The following RBFOX1 variants were observed in gnomAD, a reference collection of about 807,000 sequenced individuals.
RBFOX1 encodes RNA binding fox-1 homolog 1.
In RBFOX1, 8 loss-of-function variants were observed where a neutral mutation model predicts 57.7. That is an observed-to-expected ratio of 0.14 (90% confidence interval 0.08 to 0.25). RBFOX1 has a LOEUF of 0.25. Among genes scored for constraint, RBFOX1 ranks in the 10% least tolerant of loss-of-function variants. The pLI, the probability that RBFOX1 is intolerant of heterozygous loss-of-function variation, is 1.00. For synonymous variants in RBFOX1, 326 were observed against 222.4 expected, an observed-to-expected ratio of 1.47 and a Z score of -4.15; for missense variants, 611 against 548.5, an observed-to-expected ratio of 1.11 and a Z score of -1.14.
chr16:6,986,456 C>T (rs886172710), intron 3 of RBFOX1, among the ~76,000 whole-genome samples: 1 of 152,140 alleles, frequency 6.6e-6, no homozygotes, highest in African/African-American at 2.4e-5. Context: ...GCCTCAGCCT[C>T]CCAAAGTGCT....
chr16:7,293,858 A>T (rs1024494419), intron 4 of RBFOX1, among the ~76,000 whole-genome samples: 8 of 152,144 alleles, frequency 5.3e-5, no homozygotes, highest in African/African-American at 1.9e-4. Flanking sequence ...GGGACTAAGA[A>T]TTCCTGGGGT....
intron 2 of RBFOX1, among the ~76,000 whole-genome samples, chr16:6,479,641 C>T (rs1227436160): frequency 6.6e-6 from 1 of 152,074 alleles, no homozygotes; most frequent in African/African-American, 2.4e-5. Flanking sequence ...TGGGAACTCA[C>T]CCACTATCAT....
chr16:6,387,909 C>T (rs539369050), intron 2 of RBFOX1, among the ~76,000 whole-genome samples: 18 of 151,002 alleles, frequency 1.2e-4, no homozygotes, highest in Admixed American at 5.3e-4. Flanking sequence ...GTACCCCAGT[C>T]ACTATGACTG....
chr16:7,465,381 T>C (rs543097311), intron 4 of RBFOX1, among the ~76,000 whole-genome samples: 3 of 152,324 alleles, frequency 2.0e-5, no homozygotes, highest in South Asian at 4.1e-4. Flanking sequence ...GGCTGCTTCA[T>C]TTGTTCTTGT....
chr16:6,699,287 C>G (rs1024572480), intron 3 of RBFOX1, among the ~76,000 whole-genome samples: 9 of 150,508 alleles, frequency 6.0e-5, no homozygotes, highest in Non-Finnish European at 1.0e-4. Context: ...CATAGTTATC[C>G]TCCCTATGTT....
chr16:7,622,697 G>A (rs1320796642), intron 10 of RBFOX1, among the ~76,000 whole-genome samples: 1 of 152,044 alleles, frequency 6.6e-6, no homozygotes, highest in South Asian at 2.1e-4. Flanking sequence ...ACTATAGACA[G>A]ATGCGCTTCA....
intron 11 of RBFOX1, among the ~76,000 whole-genome samples, chr16:7,653,392 G>C (rs541483424): frequency 6.6e-6 from 1 of 152,126 alleles, no homozygotes; most frequent in Non-Finnish European, 1.5e-5. Context: ...TATGGTCCCA[G>C]CTACTTGGGA....
At chr16:7,676,638 T>G in intron 13 of RBFOX1, 136 bp from the exon 14 acceptor site, 1 of 728,798 alleles carries the variant, frequency 1.4e-6, no homozygotes, top group South Asian at 1.7e-5. Flanking sequence ...ATTTTCGCTT[T>G]GATACTAAGC....
intron 5 of RBFOX1, among the ~76,000 whole-genome samples, chr16:7,542,105 G>C (rs1869474579): frequency 6.6e-6 from 1 of 152,180 alleles, no homozygotes; most frequent in African/African-American, 2.4e-5. Context: ...GTTAGGAATG[G>C]CAGATGAGAT....
At chr16:5,588,716 A>G (rs953755442) in intron 2 of RBFOX1, among the ~76,000 whole-genome samples, 7 of 152,168 alleles carry the variant, frequency 4.6e-5, no homozygotes, top group Admixed American at 2.0e-4. Flanking sequence ...ATATCCAACA[A>G]TGATCACTCT....
At chr16:6,781,266 G>A (rs905889291) in intron 3 of RBFOX1, among the ~76,000 whole-genome samples, 17 of 151,988 alleles carry the variant, frequency 1.1e-4, no homozygotes, top group Non-Finnish European at 1.8e-4. Flanking sequence ...TCCTTTTATC[G>A]CAGGAATGAT....
At chr16:7,154,036 G>C (rs1179492893) in intron 4 of RBFOX1, among the ~76,000 whole-genome samples, 1 of 152,092 alleles carries the variant, frequency 6.6e-6, no homozygotes, top group African/African-American at 2.4e-5. Flanking sequence ...AGTTGTTTTT[G>C]TTACTAGTAT....
At chr16:5,448,089 C>G (rs191233902) in intron 1 of RBFOX1, among the ~76,000 whole-genome samples, 48 of 152,298 alleles carry the variant, frequency 3.2e-4, no homozygotes, top group African/African-American at 1.0e-3. Flanking sequence ...AGACAATTGG[C>G]TGGATATGTC....
At chr16:7,165,933 T>TACACACACACACACACACAC (rs889669390) in intron 4 of RBFOX1, among the ~76,000 whole-genome samples, 1 of 143,156 alleles carries the variant, frequency 7.0e-6, no homozygotes, top group Non-Finnish European at 1.5e-5. Context: ...CGCATGCACA[T>TACACACACACACACACACAC]ACACACACAC....
intron 4 of RBFOX1, among the ~76,000 whole-genome samples, chr16:5,998,537 G>C (rs1350305768): frequency 6.6e-6 from 1 of 152,110 alleles, no homozygotes; most frequent in Admixed American, 6.5e-5. Flanking sequence ...GTTTTTCTTT[G>C]AGTGAAATGT....
At chr16:5,393,605 G>A (rs1367820643) in intron 1 of RBFOX1, among the ~76,000 whole-genome samples, 1 of 152,158 alleles carries the variant, frequency 6.6e-6, no homozygotes, top group Non-Finnish European at 1.5e-5. Context: ...CTGGTGTTGG[G>A]ATGACATTCT....
chr16:6,790,266 C>G (rs1241676737), intron 3 of RBFOX1, among the ~76,000 whole-genome samples: 1 of 151,530 alleles, frequency 6.6e-6, no homozygotes, highest in Admixed American at 6.6e-5. Flanking sequence ...CTTAGTGCAA[C>G]CTCTGCCTCC....
intron 5 of RBFOX1, among the ~76,000 whole-genome samples, chr16:7,554,514 G>A (rs903492725): frequency 1.3e-5 from 2 of 152,148 alleles, no homozygotes; most frequent in Non-Finnish European, 2.9e-5. Context: ...GTTAGTTGGA[G>A]TAAACAGACT....
intron 1 of RBFOX1, among the ~76,000 whole-genome samples, chr16:6,024,971 G>A (rs187761222): frequency 1.3e-5 from 2 of 152,200 alleles, no homozygotes; most frequent in Admixed American, 6.5e-5. Context: ...CAAGCACAAC[G>A]ATCCAGAGGC....
Sources: allele counts gnomAD v4.1 joint callset (sites outside exome capture counted in the v4.1 genomes callset), GRCh38; gene constraint gnomAD v4.1.1; transcripts MANE v1.5; gene names NCBI Gene and HGNC (gene_info 2026-07-23, HGNC 2026-07-21).